Variants in SLC24A3 observed in about 807,000 individuals in gnomAD.
The protein encoded by SLC24A3 is sodium/potassium/calcium exchanger 3.
A neutral mutation model predicts 75.8 loss-of-function variants in SLC24A3; 28 were observed. The observed-to-expected ratio is 0.37, with a 90% CI of 0.27 to 0.51. The LOEUF (loss-of-function observed/expected upper bound fraction) is 0.51. SLC24A3 is among the 20% of genes least tolerant of loss of function. The pLI is 0.94. For synonymous variants in SLC24A3, 372 were observed against 334.1 expected (o/e 1.11, Z -1.24); for missense variants, 663 against 847.8 (o/e 0.78, Z 2.71).
At chr20:19,358,526 A>G (rs1985730295) in intron 2 of SLC24A3, among the ~76,000 whole-genome samples, 1 of 152,158 alleles carries the variant, frequency 6.6e-6, no homozygotes, top group Admixed American at 6.5e-5. Context: ...GTGTATTTTT[A>G]AGGCCCCTTC....
intron 2 of SLC24A3, among the ~76,000 whole-genome samples, chr20:19,348,949 G>A (rs990266586): frequency 5.3e-5 from 8 of 151,932 alleles, no homozygotes; most frequent in East Asian, 1.9e-4. Context: ...TCCCTTCCAC[G>A]TGACACCCAG....
At chr20:19,328,130 G>T (rs1984913404) in intron 2 of SLC24A3, among the ~76,000 whole-genome samples, 2 of 152,106 alleles carry the variant, frequency 1.3e-5, no homozygotes, top group African/African-American at 4.8e-5. Flanking sequence ...GAGCATCCAG[G>T]CAGAGGGGCA....
chr20:19,435,167 G>T (rs1568617175), intron 2 of SLC24A3, among the ~76,000 whole-genome samples: 1 of 152,152 alleles, frequency 6.6e-6, no homozygotes. Context: ...GTAAGGCAAG[G>T]CCAGGTTTAA....
Position 19,462,274 on chromosome 20 carries a change from C to CTTT in SLC24A3, c.272-53213_272-53211dup, listed in dbSNP as rs112995658. 1.8e-3 allele frequency among the ~76,000 whole-genome samples: 274 copies of CTTT among 149,272 alleles called. 2 individuals are homozygous for CTTT. Among genetic ancestry groups the CTTT allele is most frequent in the Admixed American group, 0.013 (195 of 15,064 alleles). ...GGGGAGGCAGATGGCGGGTGGCTTT[C>CTTT]TTTCTTTTTTTTGCTCTCTCTGTTG... is the stretch of plus-strand genomic sequence containing the variant. On this transcript the variant is annotated intron_variant, in intron 2 of 16. Transcript: ENST00000328041.
chr20:19,643,654 G>A (rs1401139125), intron 6 of SLC24A3, among the ~76,000 whole-genome samples: 1 of 152,152 alleles, frequency 6.6e-6, no homozygotes. Context: ...TGTAATTTTA[G>A]GCAGGGTCTT....
intron 2 of SLC24A3, among the ~76,000 whole-genome samples, chr20:19,405,227 C>T (rs1986621683): frequency 1.3e-5 from 2 of 152,140 alleles, no homozygotes; most frequent in South Asian, 2.1e-4. Context: ...TCCTAGCATC[C>T]CCTCTGTGCA....
chr20:19,213,261 C>G (rs980123778), intron 1 of SLC24A3: 3 of 221,400 alleles, frequency 1.4e-5, no homozygotes, highest in African/African-American at 6.9e-5. Context: ...TACTCGCGAG[C>G]TGGAGGTACT....
intron 3 of SLC24A3, 119 bp downstream of exon 3, chr20:19,515,683 G>A (rs2029973875): frequency 4.1e-6 from 4 of 973,382 alleles, no homozygotes; most frequent in Non-Finnish European, 6.3e-6. Flanking sequence ...CACGCTGCCT[G>A]GTGGGGGTCC....
chr20:19,585,126 C>T (rs1477382969), intron 5 of SLC24A3, 71 bp downstream of exon 5: 19 of 1,371,878 alleles, frequency 1.4e-5, no homozygotes, highest in Admixed American at 1.9e-5. Context: ...AATGGATGGC[C>T]CCCAGACCGA....
chr20:19,403,710 G>A (rs985271698), intron 2 of SLC24A3, among the ~76,000 whole-genome samples: 1 of 152,192 alleles, frequency 6.6e-6, no homozygotes, highest in Non-Finnish European at 1.5e-5. Flanking sequence ...AGGTAGGTGG[G>A]AAAGGGCATT....
Position 19,351,743 on chromosome 20 carries a change from G to A in SLC24A3, c.271+70656G>A, listed in dbSNP as rs368029029. 3.8e-4 allele frequency among the ~76,000 whole-genome samples: 58 copies of A among 152,244 alleles called. No individual in the cohort carries two copies. The South Asian group carries it at 0.011, about 30-fold the overall frequency. On this transcript the variant is annotated intron_variant, in intron 2 of 16. Coordinates refer to ENST00000328041, the MANE Select transcript of SLC24A3 (RefSeq NM_020689.4). ...ACTTCACCTCAGTTTCCACCAGGTG[G>A]TTAGTTTGAAGCAGGCTGAACACAG...
intron 2 of SLC24A3, among the ~76,000 whole-genome samples, chr20:19,310,768 C>A (rs949303584): frequency 6.6e-6 from 1 of 152,168 alleles, no homozygotes; most frequent in Admixed American, 6.5e-5. Context: ...GTCATACTTT[C>A]CAGATGTTGT....
intron 2 of SLC24A3, among the ~76,000 whole-genome samples, chr20:19,348,484 G>A (rs2122321087): frequency 1.3e-5 from 2 of 152,260 alleles, no homozygotes; most frequent in South Asian, 4.1e-4. Flanking sequence ...AGCATCTAAA[G>A]CATATTCGGC....
intron 2 of SLC24A3, among the ~76,000 whole-genome samples, chr20:19,322,064 G>T (rs766967186): frequency 4.6e-5 from 7 of 152,036 alleles, no homozygotes; most frequent in Non-Finnish European, 1.0e-4. Flanking sequence ...ATCACTTCAG[G>T]AGCCACACGA....
At chr20:19,686,696 G>C (rs965723439) in intron 12 of SLC24A3, among the ~76,000 whole-genome samples, 33 of 152,166 alleles carry the variant, frequency 2.2e-4, no homozygotes, top group African/African-American at 7.5e-4. Context: ...GCTCCTTTCT[G>C]TCCAGAGGAC....
At chr20:19,370,692 A>G (rs1469715993) in intron 2 of SLC24A3, among the ~76,000 whole-genome samples, 1 of 152,236 alleles carries the variant, frequency 6.6e-6, no homozygotes, top group African/African-American at 2.4e-5. Flanking sequence ...AGGTAGAGTA[A>G]AAATTTCCTG....
At chr20:19,294,588 CAT>C (rs766556839) in intron 2 of SLC24A3, among the ~76,000 whole-genome samples, 2 of 151,752 alleles carry the variant, frequency 1.3e-5, no homozygotes, top group Non-Finnish European at 2.9e-5. Context: ...CAGCTCCATC[CAT>C]ATATATATAT....
At chr20:19,237,633 A>G (rs752723082) in intron 1 of SLC24A3, among the ~76,000 whole-genome samples, 4 of 152,180 alleles carry the variant, frequency 2.6e-5, no homozygotes, top group African/African-American at 7.2e-5. Context: ...CTCCATGCAT[A>G]GGACCTGTCT....
intron 1 of SLC24A3, among the ~76,000 whole-genome samples, chr20:19,271,184 A>G (rs1427504772): frequency 6.6e-6 from 1 of 152,238 alleles, no homozygotes; most frequent in Non-Finnish European, 1.5e-5. Flanking sequence ...CTCTGAAACC[A>G]GGATGCTGGG....
Sources: allele counts gnomAD v4.1 joint callset (sites outside exome capture counted in the v4.1 genomes callset), GRCh38; gene constraint gnomAD v4.1.1; transcripts MANE v1.5; gene names NCBI Gene and HGNC (gene_info 2026-07-23, HGNC 2026-07-21).